CNTN5: variants seen among roughly 807,000 people sequenced by gnomAD.
The protein encoded by CNTN5 is contactin 5.
CNTN5 carries 77 observed loss-of-function variants against 129.1 expected under a neutral mutation model. The ratio of observed to expected loss-of-function variants is 0.60; its 90% CI spans 0.50 to 0.72. The LOEUF (loss-of-function observed/expected upper bound fraction) is 0.72. Ranked by LOEUF, CNTN5 falls within the 30% of genes least tolerant of loss-of-function variation. The pLI, the probability that CNTN5 is intolerant of heterozygous loss-of-function variation, is 0.00. For missense variants in CNTN5, 1,478 were observed against 1,328.8 expected, an observed-to-expected ratio of 1.11 and a Z score of -1.75; for synonymous variants, 509 against 465.6, an observed-to-expected ratio of 1.09 and a Z score of -1.20.
At position 100,341,077 on chromosome 11, in the gene CNTN5, A is replaced by G. The variant is rs749589993; in HGVS notation, c.2918-16A>G. 1 of 1,546,248 alleles carries G rather than the reference A, an allele frequency of 6.5e-7. No individual in the cohort carries two copies. Among genetic ancestry groups the G allele is most frequent in the Non-Finnish European group, 8.9e-7 (1 of 1,119,108 alleles). On this transcript the variant is annotated splice_polypyrimidine_tract_variant and intron_variant, in intron 22 of 24. Coordinates refer to ENST00000524871, the MANE Select transcript of CNTN5 (RefSeq NM_014361.4). ...TAAGAATCCTTGTCAGTTCACTTTC[A>G]CTTTTTATTTTGCAGCTCCTAGTCA... is the stretch of plus-strand genomic sequence containing the variant.
chr11:100,147,243 C>T (rs1422133552), intron 13 of CNTN5, among the ~76,000 whole-genome samples: 1 of 152,106 alleles, frequency 6.6e-6, no homozygotes, highest in Non-Finnish European at 1.5e-5. Context: ...CTGGCTTATA[C>T]TATTTTCTCT....
At chr11:100,275,511 T>A (rs1415535456) in intron 18 of CNTN5, among the ~76,000 whole-genome samples, 2 of 151,912 alleles carry the variant, frequency 1.3e-5, no homozygotes, top group African/African-American at 4.8e-5. Context: ...CAAAAATAAA[T>A]AATCCATTTG....
At chr11:100,278,567 T>C (rs1301361369) in intron 18 of CNTN5, among the ~76,000 whole-genome samples, 3 of 152,196 alleles carry the variant, frequency 2.0e-5, no homozygotes, top group Admixed American at 6.5e-5. Context: ...TTTGTAGCTA[T>C]TGTAAATAAG....
intron 18 of CNTN5, among the ~76,000 whole-genome samples, chr11:100,288,715 A>G (rs1165011141): frequency 6.6e-6 from 1 of 151,182 alleles, no homozygotes; most frequent in South Asian, 2.1e-4. Flanking sequence ...AAGCAAGAGC[A>G]AACACATTCA....
At chr11:100,111,140 G>C (rs1239952325) in intron 13 of CNTN5, among the ~76,000 whole-genome samples, 1 of 152,072 alleles carries the variant, frequency 6.6e-6, no homozygotes, top group Non-Finnish European at 1.5e-5. Flanking sequence ...TTCATATCAA[G>C]ACTGTTTATA....
At chr11:99,636,048 A>G (rs1951538046) in intron 3 of CNTN5, among the ~76,000 whole-genome samples, 1 of 152,036 alleles carries the variant, frequency 6.6e-6, no homozygotes, top group African/African-American at 2.4e-5. Flanking sequence ...TTCATTCTTA[A>G]AAAAGGACTG....
chr11:99,151,444 A>G (rs933297338), intron 1 of CNTN5, among the ~76,000 whole-genome samples: 13 of 152,182 alleles, frequency 8.5e-5, no homozygotes, highest in Admixed American at 7.2e-4. Context: ...GTATACCTTG[A>G]TAACAAAAAT....
At chr11:99,200,632 T>C (rs1859122679) in intron 1 of CNTN5, among the ~76,000 whole-genome samples, 1 of 152,200 alleles carries the variant, frequency 6.6e-6, no homozygotes, top group Admixed American at 6.5e-5. Flanking sequence ...AATAAAGTAC[T>C]TAAAGGAACC....
At chr11:99,945,312 T>C (rs947291944) in intron 7 of CNTN5, among the ~76,000 whole-genome samples, 2 of 152,060 alleles carry the variant, frequency 1.3e-5, no homozygotes, top group African/African-American at 2.4e-5. Flanking sequence ...AATTTTTGCA[T>C]GGTAAATTGG....
intron 1 of CNTN5, among the ~76,000 whole-genome samples, chr11:99,109,373 T>A (rs1469113546): frequency 6.6e-6 from 1 of 152,074 alleles, no homozygotes; most frequent in Non-Finnish European, 1.5e-5. Flanking sequence ...ACTATGCCCA[T>A]GTACATTTTT....
intron 3 of CNTN5, among the ~76,000 whole-genome samples, chr11:99,753,665 A>ACC (rs1463018553): frequency 1.5e-5 from 2 of 136,750 alleles, no homozygotes; most frequent in Admixed American, 1.6e-4. Flanking sequence ...AAAAAAAAAA[A>ACC]AAAACAGGTA....
At chr11:99,214,691 T>C (rs376506828) in intron 1 of CNTN5, among the ~76,000 whole-genome samples, 11 of 152,204 alleles carry the variant, frequency 7.2e-5, no homozygotes, top group African/African-American at 2.6e-4. Flanking sequence ...ACTTTTTTCC[T>C]ATCCACACTG....
At chr11:99,041,932 C>A (rs1397694411) in intron 1 of CNTN5, among the ~76,000 whole-genome samples, 1 of 152,192 alleles carries the variant, frequency 6.6e-6, no homozygotes, top group Admixed American at 6.5e-5. Flanking sequence ...TTTCCAATCT[C>A]TATGACTTTG....
At chr11:99,691,291 T>C (rs1591485958) in intron 3 of CNTN5, among the ~76,000 whole-genome samples, 1 of 152,184 alleles carries the variant, frequency 6.6e-6, no homozygotes, top group East Asian at 1.9e-4. Context: ...TTCTGCTAGC[T>C]TTGGGGTTTC....
intron 13 of CNTN5, among the ~76,000 whole-genome samples, chr11:100,099,230 A>T (rs1945131046): frequency 6.6e-6 from 1 of 152,132 alleles, no homozygotes; most frequent in Non-Finnish European, 1.5e-5. Context: ...AGTTAAAAGC[A>T]GAACTGGAAT....
In CNTN5 at chr11:99,698,501, T is replaced by C. The variant is rs146062144; in HGVS notation, c.56-121043T>C. Reference sequence around the variant, plus strand: ...TTATTTATCTCCTTTTTGGGTCAAATGCATTTACTGACTGTAGTTGCATGC... The same window carrying C: ...TTATTTATCTCCTTTTTGGGTCAAACGCATTTACTGACTGTAGTTGCATGC... On this transcript the variant is annotated intron_variant, in intron 3 of 24. Coordinates refer to ENST00000524871, the MANE Select transcript of CNTN5 (RefSeq NM_014361.4). Among the ~76,000 whole-genome samples the C allele has an allele frequency of 3.2e-3, 486 of 151,628 alleles. 4 individuals are homozygous for C. Among genetic ancestry groups the C allele is most frequent in the African/African-American group, 0.011 (469 of 41,484 alleles).
At chr11:99,337,493 G>A (rs749971902) in intron 2 of CNTN5, among the ~76,000 whole-genome samples, 13 of 152,204 alleles carry the variant, frequency 8.5e-5, no homozygotes, top group Non-Finnish European at 1.6e-4. Flanking sequence ...ATTGCAGCAG[G>A]AACACGCCCT....
intron 1 of CNTN5, among the ~76,000 whole-genome samples, chr11:99,310,597 A>T (rs919099566): frequency 6.6e-6 from 1 of 152,168 alleles, no homozygotes; most frequent in African/African-American, 2.4e-5. Context: ...TGAAAAATAA[A>T]TACGCCTATA....
chr11:100,033,254 CT>C (rs1941816226), intron 9 of CNTN5, among the ~76,000 whole-genome samples: 1 of 152,074 alleles, frequency 6.6e-6, no homozygotes. Context: ...CTGGCAGAAC[CT>C]GGAAAACTAC....
Sources: allele counts gnomAD v4.1 joint callset (sites outside exome capture counted in the v4.1 genomes callset), GRCh38; gene constraint gnomAD v4.1.1; transcripts MANE v1.5; gene names NCBI Gene and HGNC (gene_info 2026-07-23, HGNC 2026-07-21).